The following NGEF variants were observed in gnomAD, a reference collection of about 807,000 sequenced individuals.
NGEF encodes neuronal guanine nucleotide exchange factor.
A neutral mutation model predicts 80.9 loss-of-function variants in NGEF; 31 were observed. The observed-to-expected ratio is 0.38, with a 90% CI of 0.29 to 0.52. The LOEUF (loss-of-function observed/expected upper bound fraction) is 0.52. NGEF is among the 20% of genes least tolerant of loss of function. The pLI, the probability that NGEF is intolerant of heterozygous loss-of-function variation, is 0.84. For synonymous variants in NGEF, 371 were observed against 370.2 expected (o/e 1.00, Z -0.03); for missense variants, 709 against 926.2 (o/e 0.77, Z 3.04).
chr2:232,932,322 G>T (rs1386086229), intron 3 of NGEF, among the ~76,000 whole-genome samples: 3 of 151,912 alleles, frequency 2.0e-5, no homozygotes, highest in Non-Finnish European at 2.9e-5. Flanking sequence ...GCACCATCAT[G>T]CCTGGCTAAA....
chr2:232,966,465 C>T (rs1694061172), intron 3 of NGEF, among the ~76,000 whole-genome samples: 1 of 152,152 alleles, frequency 6.6e-6, no homozygotes, highest in South Asian at 2.1e-4. Flanking sequence ...CTGCTTCAGC[C>T]AGTTCAGCGC....
rs1030941654 is a variant in NGEF, at chr2:232,993,185, T to A, written c.-74-18221A>T. On this transcript the variant is annotated intron_variant, in intron 1 of 14. Transcript: ENST00000264051. ...TATATATTATATATATAAATAAATA[T>A]ATATATTTATTTATATATATATTTG... is the stretch of plus-strand genomic sequence containing the variant. Among the ~76,000 whole-genome samples the A allele has an allele frequency of 1.0e-3, 136 of 131,708 alleles. 1 individual carries two copies. Among genetic ancestry groups the A allele is most frequent in the African/African-American group, 3.5e-3 (120 of 34,654 alleles). 86.4% of individuals were successfully genotyped at this position (131,708 alleles called of 152,430 possible).
At chr2:233,011,286 G>C (rs1401793307) in intron 1 of NGEF, among the ~76,000 whole-genome samples, 1 of 152,064 alleles carries the variant, frequency 6.6e-6, no homozygotes, top group African/African-American at 2.4e-5. Flanking sequence ...TTTGCCATTG[G>C]GGTTGTGCTG....
intron 1 of NGEF, among the ~76,000 whole-genome samples, chr2:232,984,871 T>C (rs189351389): frequency 1.7e-3 from 264 of 152,290 alleles, no homozygotes; most frequent in South Asian, 3.9e-3. Context: ...AGCGTAAGAT[T>C]GAGAAGTTAA....
At position 232,899,202 on chromosome 2, in the gene NGEF, AGTAT is replaced by A. The variant is rs199824333; in HGVS notation, c.829-4290_829-4287del. Among the ~76,000 whole-genome samples the A allele has an allele frequency of 9.5e-3, 1,447 of 151,622 alleles. 27 individuals are homozygous for A. The highest frequency in any genetic ancestry group is 0.033 in the African/African-American group (1,381 of 41,314). ...GTGAGTGTGAATGTGTGTGAATGAG[AGTAT>A]GTGACTGTGTGTGTGAATGTGTGCA... On this transcript the variant is annotated intron_variant, in intron 5 of 14. Coordinates refer to ENST00000264051, the MANE Select transcript of NGEF (RefSeq NM_019850.3).
chr2:232,882,134 G>C, intron 13 of NGEF, 52 bp downstream of exon 13: 1 of 1,543,068 alleles, frequency 6.5e-7, no homozygotes, highest in Non-Finnish European at 8.9e-7. Context: ...TGCGGCATCC[G>C]GCAGGGCCAG....
intron 5 of NGEF, chr2:232,901,525 G>T: frequency 1.2e-6 from 1 of 832,664 alleles, no homozygotes; most frequent in Non-Finnish European, 1.4e-6. Flanking sequence ...GCGTCACCAG[G>T]GTGACATCTG....
chr2:232,963,861 C>T (rs1185930829), intron 3 of NGEF, among the ~76,000 whole-genome samples: 1 of 152,022 alleles, frequency 6.6e-6, no homozygotes, highest in African/African-American at 2.4e-5. Flanking sequence ...ATTTACAGTA[C>T]ACATATGTGA....
At chr2:232,910,081 A>G (rs1692660131) in intron 5 of NGEF, among the ~76,000 whole-genome samples, 1 of 152,078 alleles carries the variant, frequency 6.6e-6, no homozygotes, top group Non-Finnish European at 1.5e-5. Flanking sequence ...TCCAGGGGAC[A>G]TTCAGCTGGG....
intron 5 of NGEF, among the ~76,000 whole-genome samples, chr2:232,906,179 C>A: frequency 3.5e-5 from 1 of 28,748 alleles, no homozygotes; most frequent in Non-Finnish European, 7.6e-5. Context: ...GGGGGGTCAG[C>A]CCCCCGCCTG....
At chr2:233,012,564 G>A in intron 1 of NGEF, 1 of 261,976 alleles carries the variant, frequency 3.8e-6, no homozygotes, top group Non-Finnish European at 7.4e-6. Flanking sequence ...TTTGTGCCAT[G>A]GCACACAGGA....
At chr2:232,989,599 G>A (rs548692124) in intron 1 of NGEF, among the ~76,000 whole-genome samples, 19 of 152,310 alleles carry the variant, frequency 1.2e-4, no homozygotes, top group African/African-American at 4.6e-4. Context: ...GAAGTTATGG[G>A]ATCTGGACAA....
chr2:232,968,784 A>C (rs748007071), intron 3 of NGEF, among the ~76,000 whole-genome samples: 8 of 152,202 alleles, frequency 5.3e-5, no homozygotes, highest in Non-Finnish European at 1.0e-4. Flanking sequence ...GTTTTGGCTA[A>C]TAAGATATCA....
intron 5 of NGEF, among the ~76,000 whole-genome samples, chr2:232,905,301 G>A (rs923794566): frequency 3.3e-5 from 5 of 152,222 alleles, no homozygotes; most frequent in Non-Finnish European, 7.3e-5. Flanking sequence ...ACGGGGTTTC[G>A]CTGTGTTGGC....
At chr2:232,960,942 G>C (rs1429028680) in intron 3 of NGEF, among the ~76,000 whole-genome samples, 1 of 152,206 alleles carries the variant, frequency 6.6e-6, no homozygotes, top group East Asian at 1.9e-4. Flanking sequence ...AAAGGTGCTT[G>C]ACATATGTAA....
At chr2:232,943,364 CAAGAG>C in intron 3 of NGEF, among the ~76,000 whole-genome samples, 1 of 152,216 alleles carries the variant, frequency 6.6e-6, no homozygotes, top group Non-Finnish European at 1.5e-5. Flanking sequence ...CAGAAGAGAA[CAAGAG>C]AAAATTTCTT....
At chr2:232,895,004 G>A in intron 5 of NGEF, 88 bp from the exon 6 acceptor site, 1 of 1,420,650 alleles carries the variant, frequency 7.0e-7, no homozygotes, top group Non-Finnish European at 9.6e-7. Context: ...GCAGAGGGAG[G>A]CTCAGCAGGG....
intron 11 of NGEF, 128 bp from the exon 12 acceptor site, chr2:232,883,594 G>T: frequency 1.0e-6 from 1 of 986,898 alleles, no homozygotes; most frequent in Non-Finnish European, 1.4e-6. Context: ...TCCTTCTGAA[G>T]CTTCCACCTG....
At chr2:233,001,734 C>A (rs2106343732) in intron 1 of NGEF, among the ~76,000 whole-genome samples, 1 of 152,348 alleles carries the variant, frequency 6.6e-6, no homozygotes, top group South Asian at 2.1e-4. Flanking sequence ...CAAAAGTTAG[C>A]CAGGTGTGGT....
Sources: allele counts gnomAD v4.1 joint callset (sites outside exome capture counted in the v4.1 genomes callset), GRCh38; gene constraint gnomAD v4.1.1; transcripts MANE v1.5; gene names NCBI Gene and HGNC (gene_info 2026-07-23, HGNC 2026-07-21).